Variants in KLRF2 observed in about 807,000 individuals in gnomAD.
KLRF2 encodes the protein killer cell lectin like receptor F2, also known as killer cell lectin-like receptor subfamily F member 2.
KLRF2 carries 28 observed loss-of-function variants against 25.3 expected under a neutral mutation model. The ratio of observed to expected loss-of-function variants is 1.11; its 90% CI spans 0.82 to 1.52. KLRF2 has a LOEUF of 1.52. KLRF2 is among the 40% of genes most tolerant of loss of function. KLRF2 has a pLI of 0.00. For missense variants in KLRF2, 265 were observed against 245.8 expected, an observed-to-expected ratio of 1.08 and a Z score of -0.52; for synonymous variants, 73 against 85.0, an observed-to-expected ratio of 0.86 and a Z score of 0.78.
intron 1 of KLRF2, among the ~76,000 whole-genome samples, chr12:9,883,690 A>G (rs1277726042): frequency 6.6e-6 from 1 of 152,222 alleles, no homozygotes; most frequent in East Asian, 1.9e-4. Flanking sequence ...AAATATCTAC[A>G]GGGAAGAAAA....
intron 1 of KLRF2, among the ~76,000 whole-genome samples, chr12:9,883,914 G>A (rs187121147): frequency 6.6e-6 from 1 of 152,266 alleles, no homozygotes; most frequent in Admixed American, 6.5e-5. Context: ...TTTGTGAAAT[G>A]TACAACCAAG....
Position 9,893,148 on chromosome 12 carries a change from A to G in KLRF2, c.346A>G (p.Ile116Val). ...ACAGCTACAGGCACATTTACTGGTG[A>G]TTCAAAATTTGGATGAGCTGGTGAG... is the stretch of plus-strand genomic sequence containing the variant. ...CTQLQAHLLV[I>V]QNLDELEFIQ... is the part of the protein sequence containing the mutation. The change falls in exon 4 of 6, where the codon ATT (isoleucine) becomes GTT (valine). Residue 116 changes from isoleucine to valine, a missense_variant. Ile to Val is a conservative substitution (Grantham distance 29). Coordinates refer to ENST00000535540, the MANE Select transcript of KLRF2 (RefSeq NM_001190765.1). The G allele has an allele frequency of 6.5e-7, 1 of 1,532,662 alleles. No individual in the cohort carries two copies. Among genetic ancestry groups the G allele is most frequent in the Non-Finnish European group, 8.7e-7 (1 of 1,144,932 alleles). 94.9% of individuals were successfully genotyped at this position (1,532,662 alleles called of 1,614,324 possible).
At chr12:9,893,373 A>T (rs920967971) in intron 4 of KLRF2, 56 bp from the exon 5 acceptor site, 2 of 894,154 alleles carry the variant, frequency 2.2e-6, no homozygotes, top group African/African-American at 1.7e-5. Flanking sequence ...ACACTATAGA[A>T]GGCATCAAAA....
chr12:9,891,975 T>C (rs973214472), intron 3 of KLRF2, among the ~76,000 whole-genome samples: 4 of 152,208 alleles, frequency 2.6e-5, no homozygotes, highest in Admixed American at 6.5e-5. Context: ...TAAGCATTTA[T>C]TATATACAAA....
At chr12:9,894,732 A>G (rs1022731782) in intron 5 of KLRF2, among the ~76,000 whole-genome samples, 17 of 152,310 alleles carry the variant, frequency 1.1e-4, no homozygotes, top group South Asian at 2.1e-4. Context: ...GGATACATCT[A>G]TTCTACATTT....
rs74614163 is a variant in KLRF2 at position 9,881,638 on chromosome 12, C to T, written c.43C>T (p.Arg15Cys). The change falls in exon 1 of 6, where the codon CGT becomes TGT. Residue 15 changes from arginine (R) to cysteine (C), a missense_variant. Coordinates refer to ENST00000535540, the MANE Select transcript of KLRF2 (RefSeq NM_001190765.1). ...GTATATGACGCTGAGTTTCAAGAATCGTTGTAAATCGAAGCAGAAATCTAA... is the reference window on the plus strand; with the variant it reads ...GTATATGACGCTGAGTTTCAAGAATTGTTGTAAATCGAAGCAGAAATCTAA... ...DGYMTLSFKN[R>C]CKSKQKSKDF... is the part of the protein sequence containing the mutation. 1.9e-3 allele frequency: 2,987 copies of T among 1,535,304 alleles called. 94 individuals are homozygous for T. In the East Asian group the frequency reaches 0.061, roughly 31 times the overall value.
chr12:9,895,506 GTGT>G (rs1862746723), intron 5 of KLRF2, among the ~76,000 whole-genome samples, 180 bp from the exon 6 acceptor site: 1 of 152,228 alleles, frequency 6.6e-6, no homozygotes, highest in South Asian at 2.1e-4. Flanking sequence ...AGCTTGCATG[GTGT>G]TGTTACCAAG....
At chr12:9,882,959 C>T (rs558194999) in intron 1 of KLRF2, among the ~76,000 whole-genome samples, 2 of 152,136 alleles carry the variant, frequency 1.3e-5, no homozygotes, top group South Asian at 2.1e-4. Context: ...CTATAAACTA[C>T]TTTTTAATAT....
chr12:9,885,746 T>G (rs1591776278), intron 2 of KLRF2, among the ~76,000 whole-genome samples: 1 of 152,188 alleles, frequency 6.6e-6, no homozygotes, highest in South Asian at 2.1e-4. Flanking sequence ...GTATTTTTTC[T>G]CTAAATATCA....
intron 1 of KLRF2, among the ~76,000 whole-genome samples, chr12:9,882,764 GAGCAAGAC>G (rs1868108236): frequency 6.7e-6 from 1 of 149,190 alleles, no homozygotes; most frequent in Non-Finnish European, 1.5e-5. Flanking sequence ...CTGAGTGACA[GAGCAAGAC>G]TCCATATATA....
chr12:9,881,754 A>T, intron 1 of KLRF2, 89 bp downstream of exon 1: 1 of 910,208 alleles, frequency 1.1e-6, no homozygotes, highest in Non-Finnish European at 1.7e-6. Context: ...ACATCTTAAC[A>T]TTGATCATAA....
intron 1 of KLRF2, among the ~76,000 whole-genome samples, chr12:9,883,446 T>C (rs1236755251): frequency 6.6e-6 from 1 of 152,340 alleles, no homozygotes; most frequent in African/African-American, 2.4e-5. Flanking sequence ...TGGCTTGATA[T>C]AGTATGTAAA....
intron 3 of KLRF2, among the ~76,000 whole-genome samples, chr12:9,890,449 G>C (rs1862663388): frequency 6.6e-6 from 1 of 152,174 alleles, no homozygotes; most frequent in African/African-American, 2.4e-5. Flanking sequence ...ATTATTTGTG[G>C]TTGTAGGGTA....
chr12:9,892,954 G>T (rs1591779416), intron 3 of KLRF2, 66 bp from the exon 4 acceptor site: 1 of 1,236,358 alleles, frequency 8.1e-7, no homozygotes, highest in South Asian at 1.5e-5. Flanking sequence ...AGTCACATTT[G>T]ATAATATTTC....
At chr12:9,894,091 TTCTCTTTC>T (rs1277857141) in intron 5 of KLRF2, among the ~76,000 whole-genome samples, 1 of 150,960 alleles carries the variant, frequency 6.6e-6, no homozygotes, top group African/African-American at 2.4e-5. Flanking sequence ...CTCTTCTTCT[TTCTCTTTC>T]TCTCTTTTTC....
chr12:9,893,540 T>G lies in KLRF2; in HGVS notation c.478T>G (p.Leu160Val). ...AGATGAACACTTTTTAGTTCCAGAA[T>G]TGTGAGTAGTTATTTGTAAGGGAGG... is the stretch of plus-strand genomic sequence containing the variant. ...WIDEHFLVPE[L>V]FSVIGPTDDR... The change falls in exon 5 of 6, where the codon TTG becomes GTG. Residue 160 changes from leucine to valine, a missense_variant and splice_region_variant. Leu to Val is a conservative substitution (Grantham distance 32). Coordinates refer to ENST00000535540, the MANE Select transcript of KLRF2 (RefSeq NM_001190765.1). The G allele has an allele frequency of 7.5e-7, 1 of 1,337,746 alleles. No individual in the cohort carries two copies. The highest frequency in any genetic ancestry group is 1.3e-5 in the South Asian group (1 of 75,136). The allele number at this position is 1,337,746 out of a possible 1,614,324, so 82.9% of individuals were successfully genotyped here. A position where few individuals can be genotyped will look rare whatever the true frequency, so the allele number is the denominator to read the frequency against.
At chr12:9,887,434 A>G (rs1333295848) in intron 2 of KLRF2, among the ~76,000 whole-genome samples, 2 of 152,214 alleles carry the variant, frequency 1.3e-5, no homozygotes, top group Admixed American at 6.5e-5. Flanking sequence ...TACTGGAGCA[A>G]TGCCTTCAAA....
intron 1 of KLRF2, among the ~76,000 whole-genome samples, chr12:9,884,646 A>T (rs912697401): frequency 2.7e-5 from 4 of 149,210 alleles, no homozygotes; most frequent in African/African-American, 7.3e-5. Context: ...TATCATATAT[A>T]ATATGTATTT....
chr12:9,887,282 TTAGA>T (rs1262974997), intron 2 of KLRF2, among the ~76,000 whole-genome samples: 4 of 151,938 alleles, frequency 2.6e-5, no homozygotes, highest in African/African-American at 9.7e-5. Context: ...AGATGATAGA[TTAGA>T]TAGATAAAGA....
Sources: allele counts gnomAD v4.1 joint callset (sites outside exome capture counted in the v4.1 genomes callset), GRCh38; gene constraint gnomAD v4.1.1; transcripts MANE v1.5; gene names NCBI Gene and HGNC (gene_info 2026-07-23, HGNC 2026-07-21).